Variants in SRD5A2 observed in about 807,000 individuals in gnomAD.
The protein encoded by SRD5A2 is steroid 5 alpha-reductase 2, also known as 3-oxo-5-alpha-steroid 4-dehydrogenase 2.
SRD5A2 carries 30 observed loss-of-function variants against 27.4 expected under a neutral mutation model. The observed-to-expected ratio is 1.10, with a 90% CI of 0.82 to 1.49. SRD5A2 has a LOEUF of 1.49. SRD5A2 is among the 40% of genes most tolerant of loss of function. SRD5A2 has a pLI of 0.00. For missense variants in SRD5A2, 348 were observed against 323.4 expected (o/e 1.08, Z -0.58); for synonymous variants, 141 against 133.6 (o/e 1.06, Z -0.38).
At chr2:31,605,916 G>T in the SRD5A2 span, among the ~76,000 whole-genome samples, 15 of 151,708 alleles carry the variant, frequency 9.9e-5, no homozygotes, top group African/African-American at 3.4e-4. Context: ...ATTAATAGAT[G>T]AATTAATAAA....
intron 1 of SRD5A2, among the ~76,000 whole-genome samples, chr2:31,577,872 T>C (rs1233852161): frequency 6.6e-6 from 1 of 152,154 alleles, no homozygotes; most frequent in Non-Finnish European, 1.5e-5. Context: ...AGATCTAACC[T>C]TTGAAAAGAA....
At chr2:31,547,871 A>T (rs1401088305) in intron 1 of SRD5A2, among the ~76,000 whole-genome samples, 1 of 152,154 alleles carries the variant, frequency 6.6e-6, no homozygotes, top group African/African-American at 2.4e-5. Context: ...ACATAGATAG[A>T]TAGATAGATA....
At chr2:31,640,906 A>G in the SRD5A2 span, among the ~76,000 whole-genome samples, 1 of 152,104 alleles carries the variant, frequency 6.6e-6, no homozygotes, top group Non-Finnish European at 1.5e-5. Flanking sequence ...GGTGGAAAAG[A>G]TCACTGGTTA....
intron 1 of SRD5A2, among the ~76,000 whole-genome samples, chr2:31,542,999 A>G (rs1371073226): frequency 2.0e-5 from 3 of 152,240 alleles, no homozygotes; most frequent in Admixed American, 2.0e-4. Context: ...GATATACATT[A>G]TAATCAAACT....
chr2:31,641,627 T>G, the SRD5A2 span, among the ~76,000 whole-genome samples: 4,058 of 152,082 alleles, frequency 0.027, 64 homozygotes, highest in South Asian at 0.05. Context: ...TATGAACACG[T>G]GGTATTATTC....
chr2:31,568,881 G>T (rs1454618798), intron 1 of SRD5A2, among the ~76,000 whole-genome samples: 1 of 152,248 alleles, frequency 6.6e-6, no homozygotes, highest in Non-Finnish European at 1.5e-5. Context: ...GCCGCCCTGA[G>T]CTTGCACATG....
the SRD5A2 span, among the ~76,000 whole-genome samples, chr2:31,644,651 C>G: frequency 6.6e-6 from 1 of 152,138 alleles, no homozygotes; most frequent in Non-Finnish European, 1.5e-5. Context: ...CCTAACAGGT[C>G]AGGACCCGTA....
intron 1 of SRD5A2, among the ~76,000 whole-genome samples, chr2:31,577,369 G>T (rs1249596922): frequency 6.6e-6 from 1 of 151,964 alleles, no homozygotes; most frequent in African/African-American, 2.4e-5. Context: ...GTAATTGCTA[G>T]CTCTCCTACA....
At chr2:31,531,136 G>A (rs1195339826) in intron 3 of SRD5A2, among the ~76,000 whole-genome samples, 2 of 152,190 alleles carry the variant, frequency 1.3e-5, no homozygotes, top group Non-Finnish European at 2.9e-5. Context: ...CACCTTCCGG[G>A]TATTGCGGTC....
the SRD5A2 span, among the ~76,000 whole-genome samples, chr2:31,623,271 TTCCATAC>T: frequency 6.6e-6 from 1 of 152,076 alleles, no homozygotes; most frequent in Non-Finnish European, 1.5e-5. Context: ...CTAACATCAT[TTCCATAC>T]TCTAAGATAA....
the SRD5A2 span, among the ~76,000 whole-genome samples, chr2:31,641,900 G>T: frequency 6.6e-6 from 1 of 151,850 alleles, no homozygotes; most frequent in Non-Finnish European, 1.5e-5. Flanking sequence ...GAATTATTAA[G>T]CTTCTAAGCT....
the SRD5A2 span, among the ~76,000 whole-genome samples, chr2:31,591,399 G>A: frequency 1.1e-4 from 17 of 152,204 alleles, no homozygotes; most frequent in East Asian, 9.7e-4. Flanking sequence ...ACCATCTCAC[G>A]CCAGTTAAAA....
chr2:31,539,106 T>A (rs1009852676), intron 1 of SRD5A2, among the ~76,000 whole-genome samples: 1 of 152,176 alleles, frequency 6.6e-6, no homozygotes, highest in Non-Finnish European at 1.5e-5. Context: ...TCCTGCTACA[T>A]ATAATTGAGT....
the SRD5A2 span, among the ~76,000 whole-genome samples, chr2:31,606,624 TTATTATG>T: frequency 4.3e-4 from 65 of 151,982 alleles, no homozygotes; most frequent in African/African-American, 1.5e-3. Flanking sequence ...TAGTAAGGTT[TTATTATG>T]TACGGATGAC....
chr2:31,602,994 A>G, the SRD5A2 span, among the ~76,000 whole-genome samples: 1 of 152,108 alleles, frequency 6.6e-6, no homozygotes, highest in East Asian at 1.9e-4. Context: ...ACCATTCAGG[A>G]CATAGGTATG....
chr2:31,644,698 A>G, the SRD5A2 span, among the ~76,000 whole-genome samples: 1 of 152,326 alleles, frequency 6.6e-6, no homozygotes, highest in African/African-American at 2.4e-5. Flanking sequence ...CCCTTGATAT[A>G]AAGGACATAT....
intron 4 of SRD5A2, among the ~76,000 whole-genome samples, chr2:31,528,656 T>C (rs1665832552): frequency 6.6e-6 from 1 of 151,910 alleles, no homozygotes; most frequent in African/African-American, 2.4e-5. Context: ...GTCTCAGCCA[T>C]TTGGAAGGCT....
At chr2:31,577,526 T>G (rs1011110146) in intron 1 of SRD5A2, among the ~76,000 whole-genome samples, 1 of 152,234 alleles carries the variant, frequency 6.6e-6, no homozygotes, top group Admixed American at 6.5e-5. Context: ...GGAATCTACA[T>G]TCTTGTGTGC....
the SRD5A2 span, among the ~76,000 whole-genome samples, chr2:31,622,951 AGCTTTTTCACCT>A: frequency 4.9e-4 from 74 of 151,988 alleles, no homozygotes; most frequent in African/African-American, 1.6e-3. Flanking sequence ...CCACTTATCA[AGCTTTTTCACCT>A]GCTTTTTCAC....
Sources: allele counts gnomAD v4.1 joint callset (sites outside exome capture counted in the v4.1 genomes callset), GRCh38; gene constraint gnomAD v4.1.1; transcripts MANE v1.5; gene names NCBI Gene and HGNC (gene_info 2026-07-23, HGNC 2026-07-21).